The following RABGAP1L variants were observed in gnomAD, a reference collection of about 807,000 sequenced individuals.
RABGAP1L encodes RAB GTPase activating protein 1 like, also known as rab GTPase-activating protein 1-like.
A neutral mutation model predicts 137.7 loss-of-function variants in RABGAP1L; 63 were observed. The observed-to-expected ratio is 0.46, with a 90% CI of 0.37 to 0.56. The LOEUF (loss-of-function observed/expected upper bound fraction) is 0.56. Ranked by LOEUF, RABGAP1L falls within the 20% of genes least tolerant of loss-of-function variation. RABGAP1L has a pLI of 0.00. For missense variants in RABGAP1L, 1,095 were observed against 1,244.0 expected, an observed-to-expected ratio of 0.88 and a Z score of 1.80; for synonymous variants, 431 against 433.7, an observed-to-expected ratio of 0.99 and a Z score of 0.08.
chr1:174,705,305 A>G (rs1679968246), intron 17 of RABGAP1L: 1 of 152,160 alleles, frequency 6.6e-6, no homozygotes, highest in Admixed American at 6.5e-5. Context: ...GTTTTCTGGA[A>G]CCTAGATTCA....
intron 13 of RABGAP1L, among the ~76,000 whole-genome samples, chr1:174,508,241 G>A (rs537666238): frequency 2.0e-5 from 3 of 152,076 alleles, no homozygotes; most frequent in South Asian, 2.1e-4. Flanking sequence ...ACCTGTTATC[G>A]ACTCATTGTT....
At chr1:174,477,017 G>A (rs1658575950) in intron 13 of RABGAP1L, among the ~76,000 whole-genome samples, 1 of 152,148 alleles carries the variant, frequency 6.6e-6, no homozygotes. Context: ...TAGGGTTTGT[G>A]GCAGGGTCCC....
intron 17 of RABGAP1L, among the ~76,000 whole-genome samples, chr1:174,745,937 CTTG>C (rs1390704112): frequency 6.6e-6 from 1 of 152,180 alleles, no homozygotes; most frequent in Non-Finnish European, 1.5e-5. Flanking sequence ...GGTTTATTGA[CTTG>C]TTGTTAGGAT....
chr1:174,861,844 G>A (rs890333603), intron 19 of RABGAP1L, among the ~76,000 whole-genome samples: 2 of 151,828 alleles, frequency 1.3e-5, no homozygotes, highest in African/African-American at 2.4e-5. Context: ...TAAATATTTT[G>A]GATATTAATC....
chr1:174,666,000 C>T (rs932951013), intron 14 of RABGAP1L, among the ~76,000 whole-genome samples: 2 of 152,134 alleles, frequency 1.3e-5, no homozygotes, highest in African/African-American at 4.8e-5. Flanking sequence ...TCTGTAATTT[C>T]TTTTAAACAA....
intron 19 of RABGAP1L, among the ~76,000 whole-genome samples, chr1:174,909,480 G>A (rs1054312326): frequency 1.3e-5 from 2 of 152,102 alleles, no homozygotes; most frequent in African/African-American, 2.4e-5. Flanking sequence ...TCTCACTTTG[G>A]CTTCCCAAAA....
chr1:174,934,906 A>G (rs1011460729), intron 19 of RABGAP1L: 1 of 152,256 alleles, frequency 6.6e-6, no homozygotes, highest in African/African-American at 2.4e-5. Flanking sequence ...CTCCGTATAA[A>G]GCAATTTGAG....
At chr1:174,854,840 T>TA in intron 19 of RABGAP1L, among the ~76,000 whole-genome samples, 1 of 146,712 alleles carries the variant, frequency 6.8e-6, no homozygotes, top group African/African-American at 2.5e-5. Flanking sequence ...AGGATTCAAG[T>TA]GATTCTCTTG....
chr1:174,866,110 G>GGAGAGAGAGAGAGA (rs34712612), intron 19 of RABGAP1L, among the ~76,000 whole-genome samples: 2 of 65,818 alleles, frequency 3.0e-5, no homozygotes, highest in East Asian at 6.1e-4. Flanking sequence ...GGAGGGAGGG[G>GGAGAGAGAGAGAGA]GAGAGAGAGA....
At chr1:174,370,557 T>C (rs1273084394) in intron 11 of RABGAP1L, among the ~76,000 whole-genome samples, 1 of 147,678 alleles carries the variant, frequency 6.8e-6, no homozygotes, top group Non-Finnish European at 1.5e-5. Context: ...TGTGTTTATA[T>C]CATAATATGT....
intron 11 of RABGAP1L, among the ~76,000 whole-genome samples, chr1:174,331,573 C>T (rs1184719100): frequency 1.3e-5 from 2 of 152,100 alleles, no homozygotes; most frequent in African/African-American, 4.8e-5. Context: ...AAATCAAAAC[C>T]ATAATGAGGT....
At chr1:174,423,997 T>G (rs1326889501) in intron 13 of RABGAP1L, among the ~76,000 whole-genome samples, 1 of 152,096 alleles carries the variant, frequency 6.6e-6, no homozygotes, top group Non-Finnish European at 1.5e-5. Flanking sequence ...AAGGAAAAAT[T>G]GCCACAGTTT....
intron 18 of RABGAP1L, among the ~76,000 whole-genome samples, chr1:174,784,184 C>A (rs976030682): frequency 1.3e-5 from 2 of 151,204 alleles, no homozygotes; most frequent in Non-Finnish European, 3.0e-5. Flanking sequence ...CACGCCCGGC[C>A]AATTTTTTGT....
intron 10 of RABGAP1L, among the ~76,000 whole-genome samples, chr1:174,286,103 A>C (rs1042888729): frequency 2.6e-5 from 4 of 152,148 alleles, no homozygotes; most frequent in Admixed American, 2.0e-4. Context: ...ATGAGTTTGC[A>C]AGTATTTCCT....
At chr1:174,574,741 A>G (rs1668240534) in intron 13 of RABGAP1L, among the ~76,000 whole-genome samples, 1 of 152,202 alleles carries the variant, frequency 6.6e-6, no homozygotes, top group African/African-American at 2.4e-5. Context: ...TTACCAAACA[A>G]CTGATTGGCC....
At chr1:174,783,770 G>A (rs373112916) in intron 18 of RABGAP1L, among the ~76,000 whole-genome samples, 305 of 143,532 alleles carry the variant, frequency 2.1e-3, no homozygotes, top group African/African-American at 7.5e-3. Flanking sequence ...GTGCAGTGGC[G>A]TGATCCCAGG....
intron 19 of RABGAP1L, among the ~76,000 whole-genome samples, chr1:174,855,018 G>A (rs1649060328): frequency 6.6e-6 from 1 of 151,998 alleles, no homozygotes; most frequent in East Asian, 1.9e-4. Flanking sequence ...GATTACAGGA[G>A]TGAGCCACCA....
intron 18 of RABGAP1L, among the ~76,000 whole-genome samples, chr1:174,787,668 A>C (rs1687555663): frequency 6.6e-6 from 1 of 152,180 alleles, no homozygotes; most frequent in Non-Finnish European, 1.5e-5. Context: ...GGACCAGAGG[A>C]TATGGATACT....
rs1220071042 is a variant in RABGAP1L, at chr1:174,514,364, A to G, written c.1710+120219A>G. Among the ~76,000 whole-genome samples, 2 of 152,170 alleles carry G rather than the reference A, an allele frequency of 1.3e-5. 1 individual carries two copies. The highest frequency in any genetic ancestry group is 2.9e-5 in the Non-Finnish European group (2 of 68,012). On this transcript the variant is annotated intron_variant, in intron 13 of 25. Coordinates refer to ENST00000681986, the MANE Select transcript of RABGAP1L (RefSeq NM_001366446.1). ...ATAGAAGCCAGACTTTAAGGAGACA[A>G]GAAATGGAAAGGAAGTAGAACAGCA...
Sources: gnomAD v4.1 joint callset for allele counts (sites outside exome capture counted in the v4.1 genomes callset) on GRCh38, gnomAD v4.1.1 for gene constraint, MANE v1.5 for transcripts, NCBI Gene and HGNC (gene_info 2026-07-23, HGNC 2026-07-21) for gene names.